Variants in TDRD7 observed in about 807,000 individuals in gnomAD.
TDRD7 encodes the protein tudor domain containing 7.
In TDRD7, 47 loss-of-function variants were observed where a neutral mutation model predicts 109.8. The observed-to-expected ratio is 0.43, with a 90% confidence interval of 0.34 to 0.55. The LOEUF is 0.55. Among genes scored for constraint, TDRD7 ranks in the 20% least tolerant of loss-of-function variants. The pLI is 0.03. For missense variants in TDRD7, 1,164 were observed against 1,319.2 expected (o/e 0.88, Z 1.82); for synonymous variants, 424 against 457.3 (o/e 0.93, Z 0.93).
chr9:97,436,882 G>A (rs910919750), intron 4 of TDRD7, among the ~76,000 whole-genome samples: 3 of 152,008 alleles, frequency 2.0e-5, no homozygotes, highest in Non-Finnish European at 4.4e-5. Context: ...CAGTTCCTGG[G>A]CTTTCCATTC....
chr9:97,455,864 G>A (rs897611233), intron 6 of TDRD7, among the ~76,000 whole-genome samples: 1 of 152,216 alleles, frequency 6.6e-6, no homozygotes, highest in African/African-American at 2.4e-5. Context: ...TATTCAAATA[G>A]GAAGAGAGGG....
intron 16 of TDRD7, among the ~76,000 whole-genome samples, chr9:97,489,425 G>T (rs1339663443): frequency 6.6e-6 from 1 of 152,070 alleles, no homozygotes; most frequent in African/African-American, 2.4e-5. Flanking sequence ...AACTTTCCTT[G>T]CACTGAAGTC....
Position 97,454,005 on chromosome 9 carries a change from A to G in TDRD7, c.856-6173A>G, listed in dbSNP as rs1043441192. Among the ~76,000 whole-genome samples the G allele has an allele frequency of 3.9e-5, 6 of 152,312 alleles. No homozygotes were observed. The South Asian group carries it at 1.2e-3, about 32-fold the overall frequency. On this transcript the variant is annotated intron_variant, in intron 6 of 16. Transcript: ENST00000355295. ...AGACCAACAAGACAGAAAATTAACAATGATATTCAGGACTTGAACTCAGCT... is the reference window on the plus strand; with the variant it reads ...AGACCAACAAGACAGAAAATTAACAGTGATATTCAGGACTTGAACTCAGCT...
At chr9:97,416,496 A>G (rs2118197024) in intron 1 of TDRD7, among the ~76,000 whole-genome samples, 1 of 152,254 alleles carries the variant, frequency 6.6e-6, no homozygotes, top group East Asian at 1.9e-4. Context: ...CATGTGAGAC[A>G]TTTACTAATA....
chr9:97,426,563 T>C (rs570956906), intron 1 of TDRD7, among the ~76,000 whole-genome samples: 24 of 152,308 alleles, frequency 1.6e-4, no homozygotes, highest in Non-Finnish European at 2.9e-4. Flanking sequence ...TCTTTTACTT[T>C]TTAAACTTTT....
chr9:97,475,568 CTCA>C (rs1018481189), intron 12 of TDRD7, 99 bp downstream of exon 12: 7 of 844,758 alleles, frequency 8.3e-6, no homozygotes. Flanking sequence ...TACTCACAGA[CTCA>C]TCATCAGTTT....
Position 97,478,370 on chromosome 9 carries a change from G to T in TDRD7, c.2167-69G>T, listed in dbSNP as rs1829059306. ...ATATGCATTCAGGATTGTACAAAAT[G>T]TAATTGCACAGAAGCATTTTGGTCT... On this transcript the variant is annotated intron_variant, in intron 12 of 16. Coordinates refer to ENST00000355295, the MANE Select transcript of TDRD7 (RefSeq NM_014290.3). 3 of 1,579,852 alleles carry T rather than the reference G, an allele frequency of 1.9e-6. No individual in the cohort carries two copies. In the Admixed American group the frequency reaches 5.0e-5, roughly 26 times the overall value.
intron 4 of TDRD7, among the ~76,000 whole-genome samples, chr9:97,432,867 C>G (rs971444588): frequency 2.0e-4 from 31 of 152,318 alleles, no homozygotes; most frequent in African/African-American, 7.2e-4. Flanking sequence ...TGGACTACAT[C>G]AAGCCCACAG....
chr9:97,481,458 C>G (rs1000945062), intron 14 of TDRD7, among the ~76,000 whole-genome samples: 1 of 152,104 alleles, frequency 6.6e-6, no homozygotes, highest in East Asian at 1.9e-4. Flanking sequence ...ATCTTTAAAT[C>G]AAAAACATTG....
chr9:97,457,985 G>A (rs982505797), intron 6 of TDRD7, among the ~76,000 whole-genome samples: 3 of 152,094 alleles, frequency 2.0e-5, no homozygotes, highest in African/African-American at 7.2e-5. Context: ...CCTATTAGGG[G>A]GTTATTAGGG....
At position 97,412,403 on chromosome 9, in the gene TDRD7, G is replaced by T. The variant is rs1052308220; in HGVS notation, c.-7+165G>T. Among the ~76,000 whole-genome samples, 1 of 152,156 alleles carries T rather than the reference G, an allele frequency of 6.6e-6. No homozygotes were observed. The highest frequency in any genetic ancestry group is 1.5e-5 in the Non-Finnish European group (1 of 67,992). On this transcript the variant is annotated intron_variant, in intron 1 of 16. Transcript: ENST00000355295. The surrounding 1 kb of genome is among the most constrained non-coding windows in gnomAD (Gnocchi z 4.3). ...CCTGCAGCCGCAGGGGATTGCCCCCGCCCCGACGCCTGGGAACCGGGCTGG... is the reference window on the plus strand; with the variant it reads ...CCTGCAGCCGCAGGGGATTGCCCCCTCCCCGACGCCTGGGAACCGGGCTGG...
At chr9:97,455,365 G>A (rs945592672) in intron 6 of TDRD7, among the ~76,000 whole-genome samples, 2 of 152,090 alleles carry the variant, frequency 1.3e-5, no homozygotes, top group African/African-American at 4.8e-5. Flanking sequence ...GGGAAGAGAT[G>A]CACAACAACA....
At chr9:97,465,274 C>T (rs1335299083) in intron 8 of TDRD7, among the ~76,000 whole-genome samples, 1 of 152,196 alleles carries the variant, frequency 6.6e-6, no homozygotes, top group Admixed American at 6.5e-5. Flanking sequence ...ATTCATAACA[C>T]ATTATCCAAT....
Position 97,460,740 on chromosome 9 carries a change from G to A in TDRD7, c.1418G>A (p.Ser473Asn). Residue 473 changes from serine to asparagine, a missense_variant, in exon 7 of 17, where the codon AGC (serine) becomes AAC (asparagine). Ser to Asn is a conservative substitution (Grantham distance 46, BLOSUM62 1). Coordinates refer to ENST00000355295, the MANE Select transcript of TDRD7 (RefSeq NM_014290.3). ...ASPSVLVVEL[S>N]NTNEVVIRYV... is the part of the protein sequence containing the mutation. ...CCATCTGTATTGGTGGTTGAACTGA[G>A]CAACACAAATGAAGTGGTTATCAGG... The A allele has an allele frequency of 6.2e-7, 1 of 1,614,120 alleles. No individual in the cohort carries two copies. The highest frequency in any genetic ancestry group is 8.5e-7 in the Non-Finnish European group (1 of 1,180,006).
At position 97,445,386 on chromosome 9, in the gene TDRD7, T is replaced by C. The variant is rs536731812; in HGVS notation, c.855+3511T>C. ...AAGACAGACATGGTCCTTGCCCTTA[T>C]GGAACTTTCTGTCCAATGGGAAAAT... On this transcript the variant is annotated intron_variant, in intron 6 of 16. Coordinates refer to ENST00000355295, the MANE Select transcript of TDRD7 (RefSeq NM_014290.3). 3.9e-5 allele frequency among the ~76,000 whole-genome samples: 6 copies of C among 152,318 alleles called. No individual in the cohort carries two copies. The South Asian group carries it at 6.2e-4, about 16-fold the overall frequency.
chr9:97,478,109 A>C (rs1829055390), intron 12 of TDRD7, among the ~76,000 whole-genome samples: 1 of 151,914 alleles, frequency 6.6e-6, no homozygotes, highest in Admixed American at 6.6e-5. Flanking sequence ...AAATACAAAA[A>C]AATTAGCTGG....
intron 10 of TDRD7, 47 bp from the exon 11 acceptor site, chr9:97,473,445 T>A (rs41281940): frequency 6.2e-7 from 1 of 1,612,500 alleles, no homozygotes; most frequent in Non-Finnish European, 8.5e-7. Flanking sequence ...AGGTAAGAGC[T>A]GCATTCTGCT....
chr9:97,468,539 T>C (rs1828856917), intron 8 of TDRD7, among the ~76,000 whole-genome samples: 1 of 152,206 alleles, frequency 6.6e-6, no homozygotes, highest in Admixed American at 6.5e-5. Context: ...CTGACAGAGA[T>C]GATTTCTCCC....
In TDRD7 at chr9:97,432,101, G is replaced by A. The variant is rs766644380; in HGVS notation, c.426G>A (p.Pro142=). 1.1e-5 allele frequency: 18 copies of A among 1,613,700 alleles called. No homozygotes were observed. In the East Asian group the frequency reaches 1.3e-4, roughly 12 times the overall value. The part of the protein sequence containing the change: ...FSVGKKPNPA[P]LRDKGNSVGV... ...TTGGCAAAAAACCTAATCCAGCACC[G>A]TTAAGAGACAAAGGAAACTCTGTTG... Residue 142 remains proline (P), a synonymous_variant, in exon 4 of 17, where the codon CCG becomes CCA. Transcript: ENST00000355295.
Sources: allele counts gnomAD v4.1 joint callset (sites outside exome capture counted in the v4.1 genomes callset), GRCh38; gene constraint gnomAD v4.1.1; non-coding constraint Gnocchi (gnomAD v3.1); transcripts MANE v1.5; gene names NCBI Gene and HGNC (gene_info 2026-07-23, HGNC 2026-07-21).